Variants in LMO2 observed in about 807,000 individuals in gnomAD.
LMO2 encodes LIM domain only 2, also known as rhombotin-2.
Under a neutral mutation model 23.2 loss-of-function variants are expected in LMO2, and 20 were observed. The ratio of observed to expected loss-of-function variants is 0.86; its 90% CI spans 0.61 to 1.25. The LOEUF (loss-of-function observed/expected upper bound fraction) is 1.25, where lower values mean the gene tolerates loss of function less well. Ranked by LOEUF, LMO2 falls within the 50% of genes most tolerant of loss-of-function variation. The probability of loss-of-function intolerance (pLI) is 0.00; values close to 1 mark genes in which losing one functional copy is unlikely to be tolerated. For synonymous variants in LMO2, 123 were observed against 130.2 expected (o/e 0.94, Z 0.38); for missense variants, 270 against 315.3 (o/e 0.86, Z 1.09).
At chr11:33,883,930 A>G (rs1173098693) in intron 1 of LMO2, among the ~76,000 whole-genome samples, 1 of 152,112 alleles carries the variant, frequency 6.6e-6, no homozygotes, top group Non-Finnish European at 1.5e-5. Context: ...GGGTCTGGGT[A>G]TGGGGTCAGT....
chr11:33,863,233 A>AG (rs1856649009), intron 5 of LMO2, among the ~76,000 whole-genome samples: 1 of 151,568 alleles, frequency 6.6e-6, no homozygotes, highest in Non-Finnish European at 1.5e-5. Flanking sequence ...TGTGACTTAA[A>AG]AAAAAGAAAA....
At chr11:33,861,261 T>G (rs79130222) in intron 5 of LMO2, among the ~76,000 whole-genome samples, 2 of 152,298 alleles carry the variant, frequency 1.3e-5, no homozygotes, top group East Asian at 3.9e-4. Flanking sequence ...TAGGACAGTT[T>G]TAGGTGAATG....
In LMO2 at chr11:33,869,536, G is replaced by A; in HGVS notation, c.58C>T (p.Arg20Cys). The stretch of plus-strand genomic sequence containing the variant: ...CTCCTGCGCCTCCGCTTGCTCCGGC[G>A]CTCCGCCGGCGAGCTCGCCCCTCCG... ...ERGGASSPAE[R>C]RSKRRRRSGG... The change falls in exon 4 of 6, where the codon CGC (arginine) becomes TGC (cysteine). Residue 20 changes from arginine (R) to cysteine (C), a missense_variant. This residue lies in a region of LMO2 where 170 missense variants were observed against 162.0 expected (regional missense o/e 1.05). Coordinates refer to ENST00000257818, the MANE Select transcript of LMO2 (RefSeq NM_005574.4). 1.6e-6 allele frequency: 2 copies of A among 1,261,970 alleles called. No homozygotes were observed. The highest frequency in any genetic ancestry group is 3.9e-5 in the Admixed American group (1 of 25,440). The allele number at this position is 1,261,970 out of a possible 1,614,324, so 78.2% of individuals were successfully genotyped here. A position where few individuals can be genotyped will look rare whatever the true frequency, so the allele number is the denominator to read the frequency against.
At chr11:33,862,284 A>ACTGGTTAAGGTCCGTTGGGGGT (rs1856610086) in intron 5 of LMO2, among the ~76,000 whole-genome samples, 1 of 152,186 alleles carries the variant, frequency 6.6e-6, no homozygotes, top group Non-Finnish European at 1.5e-5. Context: ...CATGTCTGTC[A>ACTGGTTAAGGTCCGTTGGGGGT]CTGGTTAAGG....
At chr11:33,868,803 A>G (rs1219808915) in intron 4 of LMO2, among the ~76,000 whole-genome samples, 1 of 152,192 alleles carries the variant, frequency 6.6e-6, no homozygotes, top group Admixed American at 6.5e-5. Flanking sequence ...GGAGGCCCAG[A>G]GCCAGCTCCG....
chr11:33,867,695 G>A (rs1256671179), intron 4 of LMO2, among the ~76,000 whole-genome samples: 2 of 152,162 alleles, frequency 1.3e-5, no homozygotes, highest in Non-Finnish European at 2.9e-5. Flanking sequence ...GGAAGGAGCT[G>A]GTGAGCCTCC....
Position 33,869,395 on chromosome 11 carries a change from G to T in LMO2, c.199C>A (p.Pro67Thr). Residue 67 changes from proline to threonine, a missense_variant, in exon 4 of 6, where the codon CCC becomes ACC. Physicochemically the swap from Pro to Thr is conservative, Grantham distance 38. Around this residue, in one of 2 missense-constraint regions of LMO2, gnomAD observed 170 missense variants for 162.0 expected, o/e 1.05. Coordinates refer to ENST00000257818, the MANE Select transcript of LMO2 (RefSeq NM_005574.4). ...TCGATGGCCGAGGACATTGGGGAGGGAGGCGGGGTGCCGGGCGGCGGGGGC... is the reference window on the plus strand; with the variant it reads ...TCGATGGCCGAGGACATTGGGGAGGTAGGCGGGGTGCCGGGCGGCGGGGGC... ...GAPPPPGTPP[P>T]SPMSSAIERK... 2.5e-6 allele frequency: 3 copies of T among 1,209,504 alleles called. No homozygotes were observed. Among genetic ancestry groups the T allele is most frequent in the African/African-American group, 1.6e-5 (1 of 63,066 alleles). The allele number at this position is 1,209,504 out of a possible 1,614,324, so 74.9% of individuals were successfully genotyped here. A position where few individuals can be genotyped will look rare whatever the true frequency, so the allele number is the denominator to read the frequency against.
chr11:33,878,669 G>C (rs1857193938), intron 2 of LMO2, among the ~76,000 whole-genome samples: 1 of 152,210 alleles, frequency 6.6e-6, no homozygotes, highest in African/African-American at 2.4e-5. Context: ...TGTGGACCCA[G>C]ATCAAGCTAC....
chr11:33,877,067 G>T (rs559804030), intron 2 of LMO2, among the ~76,000 whole-genome samples: 1 of 152,326 alleles, frequency 6.6e-6, no homozygotes, highest in African/African-American at 2.4e-5. Context: ...GTGGAGTTCT[G>T]CCCTACAAGG....
intron 2 of LMO2, chr11:33,870,388 T>TCGAGGTCCCAGGTC (rs1856981038): frequency 8.1e-6 from 8 of 985,438 alleles, no homozygotes; most frequent in Non-Finnish European, 9.6e-6. Flanking sequence ...CGTCCCAGGT[T>TCGAGGTCCCAGGTC]CGAGGTCCCA....
intron 2 of LMO2, among the ~76,000 whole-genome samples, chr11:33,872,325 G>A (rs1857044501): frequency 6.6e-6 from 1 of 152,090 alleles, no homozygotes; most frequent in Non-Finnish European, 1.5e-5. Flanking sequence ...TAAACTCCCA[G>A]TATCCTCATC....
intron 4 of LMO2, among the ~76,000 whole-genome samples, chr11:33,867,013 A>G (rs1296152612): frequency 6.6e-6 from 1 of 152,130 alleles, no homozygotes; most frequent in Non-Finnish European, 1.5e-5. Flanking sequence ...AAAACCACTC[A>G]TGGAACCTGG....
intron 4 of LMO2, among the ~76,000 whole-genome samples, chr11:33,865,367 AAAG>A (rs1363391229): frequency 2.6e-5 from 4 of 152,240 alleles, no homozygotes; most frequent in African/African-American, 9.6e-5. Flanking sequence ...GGTGAGGAAG[AAAG>A]AAGAATGAGA....
At chr11:33,888,929 A>G (rs532570965) in intron 1 of LMO2, among the ~76,000 whole-genome samples, 190 of 152,328 alleles carry the variant, frequency 1.2e-3, no homozygotes, top group East Asian at 3.9e-4. Context: ...GAGGCTCAGG[A>G]AGGGTACGCA....
intron 1 of LMO2, among the ~76,000 whole-genome samples, chr11:33,890,211 T>TCAATAGATATCAATCTGGTGATAGATAC (rs1565039611): frequency 2.6e-5 from 4 of 152,056 alleles, no homozygotes; most frequent in African/African-American, 4.8e-5. Context: ...GTGATAGATA[T>TCAATAGATATCAATCTGGTGATAGATAC]CAATAGATAT....
chr11:33,859,086 C>A lies in LMO2; in HGVS notation c.*270G>T. 2.2e-6 allele frequency: 1 copy of A among 448,116 alleles called. No individual in the cohort carries two copies. Among genetic ancestry groups the A allele is most frequent in the Non-Finnish European group, 4.1e-6 (1 of 244,742 alleles). The allele number at this position is 448,116 out of a possible 1,614,324, so 27.8% of individuals were successfully genotyped here. On this transcript the variant is annotated 3_prime_UTR_variant, in exon 6 of 6. Transcript: ENST00000257818. ...CAGCGCCTGCTTGCCCCTAAATGTT[C>A]CTTTCTTCTGCTAATCATGTCAGTT...
intron 5 of LMO2, 139 bp from the exon 6 acceptor site, chr11:33,859,714 C>T: frequency 1.5e-6 from 1 of 671,626 alleles, no homozygotes; most frequent in African/African-American, 1.8e-5. Flanking sequence ...AGAAGGAGGG[C>T]CGGCTAGTGC....
intron 4 of LMO2, among the ~76,000 whole-genome samples, chr11:33,865,891 T>C (rs1158149804): frequency 6.6e-6 from 1 of 152,260 alleles, no homozygotes. Context: ...AAACACTTAA[T>C]ACGTGTTGAT....
intron 1 of LMO2, among the ~76,000 whole-genome samples, chr11:33,889,217 G>A (rs1857485526): frequency 6.6e-6 from 1 of 152,154 alleles, no homozygotes; most frequent in South Asian, 2.1e-4. Flanking sequence ...ACCAGGCACT[G>A]TACTGGGCAC....
Sources: allele counts gnomAD v4.1 joint callset (sites outside exome capture counted in the v4.1 genomes callset), GRCh38; gene constraint gnomAD v4.1.1; regional missense constraint gnomAD v4.1.1; transcripts MANE v1.5; gene names NCBI Gene and HGNC (gene_info 2026-07-23, HGNC 2026-07-21).